Variants in EPHB1 observed in about 807,000 individuals in gnomAD.
EPHB1 encodes the protein EPH receptor B1, also known as ephrin type-B receptor 1.
EPHB1 carries 30 observed loss-of-function variants against 94.4 expected under a neutral mutation model. The ratio of observed to expected loss-of-function variants is 0.32; its 90% CI spans 0.24 to 0.43. The LOEUF (loss-of-function observed/expected upper bound fraction) is 0.43. Among genes scored for constraint, EPHB1 ranks in the 20% least tolerant of loss-of-function variants. EPHB1 has a pLI of 1.00. For missense variants in EPHB1, 1,055 were observed against 1,308.3 expected, an observed-to-expected ratio of 0.81 and a Z score of 2.99; for synonymous variants, 522 against 489.1, an observed-to-expected ratio of 1.07 and a Z score of -0.89.
chr3:135,132,788 A>C lies in EPHB1; in HGVS notation c.1036A>C (p.Arg346=). 6.2e-7 allele frequency: 1 copy of C among 1,613,958 alleles called. No homozygotes were observed. The highest frequency in any genetic ancestry group is 8.5e-7 in the Non-Finnish European group (1 of 1,179,840). The change falls in exon 5 of 16, where the codon AGG becomes CGG. Residue 346 remains arginine, a synonymous_variant. Coordinates refer to ENST00000398015, the MANE Select transcript of EPHB1 (RefSeq NM_004441.5). ...TSIILEWHPP[R]ETGGRDDVTY... is the part of the protein sequence containing the mutation. The stretch of plus-strand genomic sequence containing the variant: ...CATCATTCTGGAGTGGCACCCTCCA[A>C]GGGAGACAGGTGGGCGGGATGATGT...
intron 4 of EPHB1, among the ~76,000 whole-genome samples, chr3:135,122,875 A>G (rs1362853262): frequency 6.6e-6 from 1 of 152,054 alleles, no homozygotes; most frequent in African/African-American, 2.4e-5. Flanking sequence ...CTTATTACTA[A>G]CTGTTATGAT....
intron 3 of EPHB1, among the ~76,000 whole-genome samples, chr3:135,093,402 G>T (rs545288211): frequency 7.2e-5 from 11 of 151,950 alleles, no homozygotes; most frequent in Non-Finnish European, 1.6e-4. Flanking sequence ...CCTACTATTT[G>T]AAAAAATCTT....
chr3:135,204,106 C>T (rs1391139458), intron 12 of EPHB1, among the ~76,000 whole-genome samples: 1 of 152,146 alleles, frequency 6.6e-6, no homozygotes, highest in African/African-American at 2.4e-5. Context: ...ATAATCACAT[C>T]GTGGAAAATG....
rs551302808 is a variant in EPHB1 at position 135,085,887 on chromosome 3, C to T, written c.806-20561C>T. 8.5e-5 allele frequency among the ~76,000 whole-genome samples: 13 copies of T among 152,302 alleles called. No individual in the cohort carries two copies. In the East Asian group the frequency reaches 2.5e-3, roughly 29 times the overall value. On this transcript the variant is annotated intron_variant, in intron 3 of 15. Transcript: ENST00000398015. ...TTTCTTAAGTGACCAGCCCTGAAAT[C>T]ATTTCTTAGTGCCATACACACAAAT...
chr3:134,882,782 C>CT (rs1186011854), intron 1 of EPHB1, among the ~76,000 whole-genome samples: 1 of 53,564 alleles, frequency 1.9e-5, no homozygotes, highest in South Asian at 9.8e-4. Flanking sequence ...TTCTTTCTTT[C>CT]TTTCTTTCTT....
chr3:134,810,212 C>G (rs1261457754), intron 1 of EPHB1, among the ~76,000 whole-genome samples: 2 of 151,744 alleles, frequency 1.3e-5, no homozygotes, highest in African/African-American at 4.9e-5. Flanking sequence ...CACCTGGTTT[C>G]TCTGGTTTTT....
intron 10 of EPHB1, among the ~76,000 whole-genome samples, chr3:135,189,802 C>T (rs1383312225): frequency 6.6e-6 from 1 of 152,212 alleles, no homozygotes; most frequent in African/African-American, 2.4e-5. Context: ...ACTCCACACA[C>T]TGATAGGTAG....
At position 134,894,306 on chromosome 3, in the gene EPHB1, G is replaced by A. The variant is rs545813387; in HGVS notation, c.59-31510G>A. ...GGTGTGGCTTGTGAAAAGAGGACTT[G>A]GACTGGCCATGAAGCTCAGGTCACC... is the stretch of plus-strand genomic sequence containing the variant. On this transcript the variant is annotated intron_variant, in intron 1 of 15. Coordinates refer to ENST00000398015, the MANE Select transcript of EPHB1 (RefSeq NM_004441.5). 4.6e-5 allele frequency among the ~76,000 whole-genome samples: 7 copies of A among 152,278 alleles called. No individual in the cohort carries two copies. The South Asian group carries it at 1.5e-3, about 32-fold the overall frequency.
At chr3:134,989,075 C>T (rs745539514) in intron 3 of EPHB1, among the ~76,000 whole-genome samples, 9 of 152,190 alleles carry the variant, frequency 5.9e-5, no homozygotes, top group South Asian at 2.1e-4. Context: ...CCCTACAGAG[C>T]TCTTTTGAGT....
At chr3:135,159,636 G>T (rs950087266) in intron 6 of EPHB1, among the ~76,000 whole-genome samples, 1 of 152,198 alleles carries the variant, frequency 6.6e-6, no homozygotes, top group South Asian at 2.1e-4. Context: ...ATCCCTGAGT[G>T]GGGGTGGGGA....
chr3:135,025,214 TTTATTTA>T (rs1265859297), intron 3 of EPHB1, among the ~76,000 whole-genome samples: 1 of 126,084 alleles, frequency 7.9e-6, no homozygotes, highest in Non-Finnish European at 1.7e-5. Flanking sequence ...TATTTATTTA[TTTATTTA>T]TTATTATACT....
chr3:134,876,772 G>A (rs1464991644), intron 1 of EPHB1, among the ~76,000 whole-genome samples: 1 of 152,170 alleles, frequency 6.6e-6, no homozygotes, highest in Non-Finnish European at 1.5e-5. Flanking sequence ...GAAAGTGGGA[G>A]AGAGTATACT....
chr3:134,866,068 C>G (rs2108305715), intron 1 of EPHB1, among the ~76,000 whole-genome samples: 1 of 152,262 alleles, frequency 6.6e-6, no homozygotes, highest in Admixed American at 6.5e-5. Context: ...AGCCCCATGC[C>G]AGAGTGAGGG....
intron 12 of EPHB1, among the ~76,000 whole-genome samples, chr3:135,224,767 A>G (rs1240022051): frequency 3.3e-5 from 5 of 152,178 alleles, no homozygotes; most frequent in Non-Finnish European, 5.9e-5. Context: ...TGAAAAGAAG[A>G]TATTTTGGAT....
intron 2 of EPHB1, among the ~76,000 whole-genome samples, chr3:134,942,305 C>T (rs1358744220): frequency 1.3e-5 from 2 of 151,676 alleles, no homozygotes; most frequent in East Asian, 1.9e-4. Flanking sequence ...TTAGAAAACT[C>T]ATACGAGCAG....
chr3:135,125,911 A>G (rs1399417611), intron 4 of EPHB1, among the ~76,000 whole-genome samples: 1 of 152,086 alleles, frequency 6.6e-6, no homozygotes, highest in Non-Finnish European at 1.5e-5. Flanking sequence ...CTGCTTCCCC[A>G]TAACATCTCA....
intron 4 of EPHB1, among the ~76,000 whole-genome samples, chr3:135,120,062 A>T (rs1196633384): frequency 1.3e-5 from 2 of 152,178 alleles, no homozygotes; most frequent in African/African-American, 2.4e-5. Context: ...GTCTCTGTAT[A>T]TTATTCATTC....
chr3:135,064,904 C>T (rs1937561557), intron 3 of EPHB1, among the ~76,000 whole-genome samples: 2 of 152,086 alleles, frequency 1.3e-5, no homozygotes, highest in African/African-American at 4.8e-5. Flanking sequence ...TAGGTTGTGT[C>T]ACCATTGTCC....
At chr3:135,175,368 C>T (rs1369306502) in intron 9 of EPHB1, among the ~76,000 whole-genome samples, 1 of 152,206 alleles carries the variant, frequency 6.6e-6, no homozygotes, top group African/African-American at 2.4e-5. Flanking sequence ...AATCATTTCT[C>T]CCCAAACCTA....
Sources: gnomAD v4.1 joint callset for allele counts (sites outside exome capture counted in the v4.1 genomes callset) on GRCh38, gnomAD v4.1.1 for gene constraint, MANE v1.5 for transcripts, NCBI Gene and HGNC (gene_info 2026-07-23, HGNC 2026-07-21) for gene names.